The following RAMP1 variants were observed in gnomAD, a reference collection of about 807,000 sequenced individuals.
The protein encoded by RAMP1 is receptor activity modifying protein 1, also known as receptor activity-modifying protein 1.
RAMP1 carries 7 observed loss-of-function variants against 8.2 expected under a neutral mutation model. That is an observed-to-expected ratio of 0.85 (90% CI 0.49 to 1.60). RAMP1 has a LOEUF of 1.60. Among genes scored for constraint, RAMP1 ranks in the 40% most tolerant of loss-of-function variants. The pLI is 0.00. For missense variants in RAMP1, 192 were observed against 202.4 expected (o/e 0.95, Z 0.31); for synonymous variants, 92 against 84.7 (o/e 1.09, Z -0.47).
chr2:237,911,402 C>A, intron 2 of RAMP1, 126 bp from the exon 3 acceptor site: 1 of 1,336,094 alleles, frequency 7.5e-7, no homozygotes, highest in South Asian at 1.4e-5. Context: ...ACTGCCTCGG[C>A]GTCGGGGCTT....
chr2:237,880,442 A>G (rs1009456716), intron 2 of RAMP1, among the ~76,000 whole-genome samples: 8 of 152,198 alleles, frequency 5.3e-5, no homozygotes, highest in African/African-American at 1.9e-4. Context: ...CATTTCTCCA[A>G]GGAACACTGG....
At position 237,862,624 on chromosome 2, in the gene RAMP1, G is replaced by A. The variant is rs1250030517; in HGVS notation, c.52+2897G>A. Among the ~76,000 whole-genome samples, 1 of 152,218 alleles carries A rather than the reference G, an allele frequency of 6.6e-6. No homozygotes were observed. Among genetic ancestry groups the A allele is most frequent in the African/African-American group, 2.4e-5 (1 of 41,444 alleles). ...GTGTGATGCAGGTGCCATGTGTAGT[G>A]TGAATTCCAGCGGAAATGCTGAGCC... On this transcript the variant is annotated intron_variant, in intron 1 of 2. Transcript: ENST00000254661. The surrounding 1 kb of genome is among the most constrained non-coding windows in gnomAD (Gnocchi z 4.0).
rs146474873 is a variant in RAMP1 at position 237,884,964 on chromosome 2, C to T, written c.191+7602C>T. 3.9e-4 allele frequency among the ~76,000 whole-genome samples: 59 copies of T among 152,354 alleles called. No homozygotes were observed. In the East Asian group the frequency reaches 0.01, roughly 26 times the overall value. On this transcript the variant is annotated intron_variant, in intron 2 of 2. Coordinates refer to ENST00000254661, the MANE Select transcript of RAMP1 (RefSeq NM_005855.4). ...AGCGTGGTAGTTGGGGGACGCAAGA[C>T]AAATGTCTGCAGTGCCTGCTGTGGT...
At chr2:237,881,378 C>T (rs909368116) in intron 2 of RAMP1, among the ~76,000 whole-genome samples, 24 of 152,216 alleles carry the variant, frequency 1.6e-4, no homozygotes, top group African/African-American at 5.1e-4. Context: ...TCAGCATCGA[C>T]GTGGATGGCC....
chr2:237,878,695 C>T lies in RAMP1; in HGVS notation c.191+1333C>T, dbSNP rs1278099207. ...CTTCGTCCACCCCAGGGAACTCCCT[C>T]AGGCCCAGAGTCCGTGCTCAGTGCA... On this transcript the variant is annotated intron_variant, in intron 2 of 2. Transcript: ENST00000254661. The surrounding 1 kb of genome is among the most constrained non-coding windows in gnomAD (Gnocchi z 5.7). Among the ~76,000 whole-genome samples the T allele has an allele frequency of 6.6e-6, 1 of 152,272 alleles. No individual in the cohort carries two copies. Among genetic ancestry groups the T allele is most frequent in the Non-Finnish European group, 1.5e-5 (1 of 68,038 alleles).
At chr2:237,876,048 G>C (rs1454748230) in intron 1 of RAMP1, among the ~76,000 whole-genome samples, 1 of 152,158 alleles carries the variant, frequency 6.6e-6, no homozygotes, top group Non-Finnish European at 1.5e-5. Flanking sequence ...TCCGTAAATT[G>C]CTGATCGCAG....
chr2:237,880,627 G>C (rs1043658904), intron 2 of RAMP1, among the ~76,000 whole-genome samples: 2 of 152,162 alleles, frequency 1.3e-5, no homozygotes, highest in African/African-American at 2.4e-5. Flanking sequence ...AAACAATATT[G>C]TTTCAAAAAA....
intron 2 of RAMP1, among the ~76,000 whole-genome samples, chr2:237,892,168 C>A (rs925452157): frequency 1.3e-5 from 2 of 151,986 alleles, no homozygotes; most frequent in African/African-American, 4.8e-5. Flanking sequence ...TGTATTTTTT[C>A]AATCTTCAGG....
At chr2:237,903,359 T>C (rs143939697) in intron 2 of RAMP1, among the ~76,000 whole-genome samples, 140 of 152,338 alleles carry the variant, frequency 9.2e-4, no homozygotes, top group African/African-American at 3.1e-3. Context: ...TTTAGGATAA[T>C]TCCCAGTAAT....
At chr2:237,871,590 A>G (rs1390498572) in intron 1 of RAMP1, among the ~76,000 whole-genome samples, 2 of 151,758 alleles carry the variant, frequency 1.3e-5, no homozygotes, top group Non-Finnish European at 2.9e-5. Flanking sequence ...GGGTTCCTCC[A>G]CCGCCCCCCG....
rs1486772592 is a variant in RAMP1, at chr2:237,865,481, G to A, written c.52+5754G>A. 3.3e-5 allele frequency among the ~76,000 whole-genome samples: 5 copies of A among 152,142 alleles called. No homozygotes were observed. The highest frequency in any genetic ancestry group is 2.1e-4 in the South Asian group (1 of 4,812). On this transcript the variant is annotated intron_variant, in intron 1 of 2. Transcript: ENST00000254661. The surrounding 1 kb of genome is among the most constrained non-coding windows in gnomAD (Gnocchi z 4.2). ...GCATAAGCCTGTCTCATACAGTATC[G>A]GGAACATGCCTCAAAAACCACCGTT...
rs180896191 is a variant in RAMP1 at position 237,879,900 on chromosome 2, G to C, written c.191+2538G>C. Among the ~76,000 whole-genome samples the C allele has an allele frequency of 1.4e-3, 197 of 144,036 alleles. 1 individual carries two copies. Among genetic ancestry groups the C allele is most frequent in the Admixed American group, 3.4e-3 (48 of 14,060 alleles). 94.5% of individuals were successfully genotyped at this position (144,036 alleles called of 152,430 possible). On this transcript the variant is annotated intron_variant, in intron 2 of 2. Coordinates refer to ENST00000254661, the MANE Select transcript of RAMP1 (RefSeq NM_005855.4). ...AGCTACTCGGGAGGCTGAGGCAGGA[G>C]AATTGCTTGAACCCAGGAGGCGGAG...
At chr2:237,868,332 C>T (rs1051389885) in intron 1 of RAMP1, among the ~76,000 whole-genome samples, 5 of 152,194 alleles carry the variant, frequency 3.3e-5, no homozygotes, top group Non-Finnish European at 5.9e-5. Flanking sequence ...GCATGAGCCA[C>T]TGTGCCTGGC....
At chr2:237,889,946 G>A (rs2062472740) in intron 2 of RAMP1, among the ~76,000 whole-genome samples, 1 of 152,156 alleles carries the variant, frequency 6.6e-6, no homozygotes, top group Non-Finnish European at 1.5e-5. Context: ...GCGAATAGTA[G>A]GAAAACTACC....
chr2:237,910,957 TCA>T (rs1385824289), intron 2 of RAMP1, among the ~76,000 whole-genome samples: 1 of 139,760 alleles, frequency 7.2e-6, no homozygotes, highest in African/African-American at 2.7e-5. Flanking sequence ...ACACACAGAG[TCA>T]CACACAGTGA....
intron 2 of RAMP1, among the ~76,000 whole-genome samples, chr2:237,892,756 T>TCC (rs1426092741): frequency 2.0e-5 from 3 of 150,732 alleles, no homozygotes; most frequent in Admixed American, 6.6e-5. Flanking sequence ...TCTCTCTCTC[T>TCC]CTTCTCCATC....
intron 2 of RAMP1, among the ~76,000 whole-genome samples, chr2:237,888,271 T>C (rs1451964606): frequency 6.6e-6 from 1 of 152,184 alleles, no homozygotes; most frequent in Admixed American, 6.5e-5. Flanking sequence ...GCCAGGCTGG[T>C]CTCAAACTCC....
At chr2:237,880,021 T>C (rs1357425983) in intron 2 of RAMP1, among the ~76,000 whole-genome samples, 1 of 145,240 alleles carries the variant, frequency 6.9e-6, no homozygotes, top group African/African-American at 2.6e-5. Flanking sequence ...ATCAAGATAA[T>C]TTAGGAACCA....
chr2:237,873,059 G>A (rs2062262827), intron 1 of RAMP1, among the ~76,000 whole-genome samples: 1 of 152,184 alleles, frequency 6.6e-6, no homozygotes, highest in South Asian at 2.1e-4. Flanking sequence ...TGGGTGTAAG[G>A]GGCTTAAGCC....
Sources: gnomAD v4.1 joint callset for allele counts (sites outside exome capture counted in the v4.1 genomes callset) on GRCh38, gnomAD v4.1.1 for gene constraint, Gnocchi (gnomAD v3.1) non-coding constraint, MANE v1.5 for transcripts, NCBI Gene and HGNC (gene_info 2026-07-23, HGNC 2026-07-21) for gene names.